SMAGP: variants seen among roughly 807,000 people sequenced by gnomAD.
The protein encoded by SMAGP is small cell adhesion glycoprotein, also known as small cell transmembrane and glycosylated protein.
In SMAGP, 7 loss-of-function variants were observed where a neutral mutation model predicts 10.1. The observed-to-expected ratio is 0.70, with a 90% CI of 0.40 to 1.31. SMAGP has a LOEUF of 1.31. Ranked by LOEUF, SMAGP falls within the 50% of genes most tolerant of loss-of-function variation. SMAGP has a pLI of 0.01. For missense variants in SMAGP, 113 were observed against 116.5 expected, an observed-to-expected ratio of 0.97 and a Z score of 0.14; for synonymous variants, 49 against 47.2, an observed-to-expected ratio of 1.04 and a Z score of -0.16.
At chr12:51,253,945 T>C (rs1944864502) in intron 2 of SMAGP, among the ~76,000 whole-genome samples, 1 of 152,198 alleles carries the variant, frequency 6.6e-6, no homozygotes, top group South Asian at 2.1e-4. Context: ...TGATTCCACT[T>C]ATATGATGTG....
intron 2 of SMAGP, 59 bp from the exon 3 acceptor site, chr12:51,246,890 AT>A (rs1488321395): frequency 7.4e-7 from 1 of 1,351,682 alleles, no homozygotes; most frequent in Non-Finnish European, 9.9e-7. Context: ...TTGAAAGCAT[AT>A]GTTTGGCCTT....
intron 2 of SMAGP, among the ~76,000 whole-genome samples, chr12:51,260,845 C>A (rs986490537): frequency 1.3e-5 from 2 of 150,046 alleles, no homozygotes; most frequent in African/African-American, 4.9e-5. Flanking sequence ...ACCACCACGC[C>A]CAGCTGATTT....
chr12:51,252,095 A>ATT (rs34168199), intron 2 of SMAGP, among the ~76,000 whole-genome samples: 122 of 145,898 alleles, frequency 8.4e-4, no homozygotes, highest in East Asian at 1.0e-3. Flanking sequence ...TCTACATCAG[A>ATT]TTTTTTTTTT....
chr12:51,269,308 G>C lies in SMAGP; in HGVS notation c.-30C>G, dbSNP rs911499186. ...ACTAGTGGTTGAGTTTCTTGGAGAA[G>C]AGGCAGATCTGTAGGAAGAGGGGCA... On this transcript the variant is annotated 5_prime_UTR_variant, in exon 2 of 4. Transcript: ENST00000603798. The C allele has an allele frequency of 1.2e-6, 2 of 1,613,650 alleles. No individual in the cohort carries two copies. Among genetic ancestry groups the C allele is most frequent in the African/African-American group, 2.7e-5 (2 of 74,924 alleles).
intron 2 of SMAGP, among the ~76,000 whole-genome samples, chr12:51,257,570 A>G (rs975719941): frequency 2.0e-5 from 3 of 151,184 alleles, no homozygotes; most frequent in African/African-American, 7.3e-5. Context: ...TTTTTGAGAC[A>G]GTCTTGCTCT....
intron 2 of SMAGP, among the ~76,000 whole-genome samples, chr12:51,253,799 G>A (rs969860272): frequency 1.3e-5 from 2 of 152,116 alleles, no homozygotes; most frequent in Non-Finnish European, 2.9e-5. Flanking sequence ...CCAGCTACTT[G>A]GGAGGCCAAG....
chr12:51,251,071 T>C (rs925653625), intron 2 of SMAGP, among the ~76,000 whole-genome samples: 25 of 152,164 alleles, frequency 1.6e-4, no homozygotes, highest in African/African-American at 5.8e-4. Context: ...GTACAAAGCA[T>C]TGAGAAGATT....
chr12:51,255,366 A>G (rs547836090), intron 2 of SMAGP, among the ~76,000 whole-genome samples: 1 of 152,196 alleles, frequency 6.6e-6, no homozygotes, highest in East Asian at 1.9e-4. Context: ...AATGCTTCTC[A>G]AACTTTCTTG....
intron 2 of SMAGP, among the ~76,000 whole-genome samples, chr12:51,250,775 G>A (rs1241937133): frequency 6.6e-6 from 1 of 152,130 alleles, no homozygotes; most frequent in African/African-American, 2.4e-5. Context: ...TGACATCTTT[G>A]AGCATGCCTC....
At chr12:51,253,217 T>C (rs1944856558) in intron 2 of SMAGP, among the ~76,000 whole-genome samples, 1 of 152,184 alleles carries the variant, frequency 6.6e-6, no homozygotes, top group African/African-American at 2.4e-5. Context: ...CACAGCCTTC[T>C]TAGACTGAGA....
intron 2 of SMAGP, among the ~76,000 whole-genome samples, chr12:51,255,359 G>A (rs903713840): frequency 2.0e-5 from 3 of 152,088 alleles, no homozygotes; most frequent in Non-Finnish European, 4.4e-5. Flanking sequence ...TTAAAGCAAT[G>A]CTTCTCAAAC....
At chr12:51,247,859 AC>A (rs1944792606) in intron 2 of SMAGP, among the ~76,000 whole-genome samples, 1 of 152,204 alleles carries the variant, frequency 6.6e-6, no homozygotes, top group African/African-American at 2.4e-5. Flanking sequence ...CACAGCTTGC[AC>A]GGTGAGGAGC....
intron 2 of SMAGP, among the ~76,000 whole-genome samples, chr12:51,263,715 C>G (rs752573595): frequency 1.1e-4 from 16 of 152,322 alleles, no homozygotes; most frequent in Non-Finnish European, 2.4e-4. Context: ...GCACGGTGGG[C>G]AAAGCCCACA....
Position 51,246,025 on chromosome 12 carries a change from T to C in SMAGP, c.210A>G (p.Glu70=). 6.2e-7 allele frequency: 1 copy of C among 1,613,930 alleles called. No individual in the cohort carries two copies. Among genetic ancestry groups the C allele is most frequent in the South Asian group, 1.1e-5 (1 of 91,082 alleles). ...YKNKGSYVTY[E]PTEGEPSAIV... ...TGGCACTGGGCTCACCTTCTGTAGG[T>C]TCATAGGTGACGTAGCTGCCTTTGT... Residue 70 remains glutamate (E), a synonymous_variant, in exon 4 of 4, where the codon GAA becomes GAG. Coordinates refer to ENST00000603798, the MANE Select transcript of SMAGP (RefSeq NM_001031628.2).
intron 2 of SMAGP, among the ~76,000 whole-genome samples, chr12:51,254,383 C>T (rs571753679): frequency 1.3e-5 from 2 of 152,066 alleles, no homozygotes; most frequent in South Asian, 4.1e-4. Flanking sequence ...CCCGTCTCTA[C>T]TAAAAATACA....
intron 2 of SMAGP, among the ~76,000 whole-genome samples, chr12:51,247,403 A>C (rs982978543): frequency 2.0e-5 from 3 of 152,126 alleles, no homozygotes; most frequent in Non-Finnish European, 2.9e-5. Context: ...CCTTTTCTAC[A>C]CTTCCAGGAT....
chr12:51,261,586 A>G (rs1027167471), intron 2 of SMAGP, among the ~76,000 whole-genome samples: 2 of 152,210 alleles, frequency 1.3e-5, no homozygotes, highest in African/African-American at 4.8e-5. Context: ...AAGGAAGAGC[A>G]AAACTGGACA....
chr12:51,248,430 ACACACTCT>A (rs1180491880), intron 2 of SMAGP, among the ~76,000 whole-genome samples: 236 of 91,414 alleles, frequency 2.6e-3, no homozygotes, highest in African/African-American at 0.012. Context: ...ACACACACAC[ACACACTCT>A]CTCTCTCTCT....
chr12:51,253,370 A>G (rs1274893004), intron 2 of SMAGP, among the ~76,000 whole-genome samples: 2 of 152,220 alleles, frequency 1.3e-5, no homozygotes, highest in South Asian at 2.1e-4. Context: ...AGGATTAAAC[A>G]GAATTACCCA....
Sources: gnomAD v4.1 joint callset for allele counts (sites outside exome capture counted in the v4.1 genomes callset) on GRCh38, gnomAD v4.1.1 for gene constraint, MANE v1.5 for transcripts, NCBI Gene and HGNC (gene_info 2026-07-23, HGNC 2026-07-21) for gene names.